The following PLD5 variants were observed in gnomAD, a reference collection of about 807,000 sequenced individuals.
The protein encoded by PLD5 is phospholipase D family member 5.
Under a neutral mutation model 61.1 loss-of-function variants are expected in PLD5, and 36 were observed. The observed-to-expected ratio is 0.59, with a 90% CI of 0.45 to 0.78. The LOEUF (loss-of-function observed/expected upper bound fraction) is 0.78. PLD5 is among the 30% of genes least tolerant of loss of function. The probability of loss-of-function intolerance (pLI) is 0.00; values close to 1 mark genes in which losing one functional copy is unlikely to be tolerated. For missense variants in PLD5, 515 were observed against 644.4 expected, an observed-to-expected ratio of 0.80 and a Z score of 2.17; for synonymous variants, 243 against 242.8, an observed-to-expected ratio of 1.00 and a Z score of -0.01.
chr1:242,347,323 A>G (rs1187865407), intron 2 of PLD5, among the ~76,000 whole-genome samples: 2 of 152,218 alleles, frequency 1.3e-5, no homozygotes, highest in Non-Finnish European at 2.9e-5. Context: ...AATTTATTAT[A>G]AGCTCTAATT....
At chr1:242,123,694 C>T (rs1662561601) in intron 6 of PLD5, among the ~76,000 whole-genome samples, 1 of 152,196 alleles carries the variant, frequency 6.6e-6, no homozygotes, top group Non-Finnish European at 1.5e-5. Flanking sequence ...TGTTTTTTTT[C>T]TTATCAACAT....
chr1:242,293,788 T>A (rs2149145810), intron 2 of PLD5, among the ~76,000 whole-genome samples: 1 of 152,336 alleles, frequency 6.6e-6, no homozygotes, highest in East Asian at 1.9e-4. Flanking sequence ...CCTATTTACC[T>A]GCTCACTCTC....
At chr1:242,162,899 C>T (rs1665956336) in intron 5 of PLD5, among the ~76,000 whole-genome samples, 1 of 152,070 alleles carries the variant, frequency 6.6e-6, no homozygotes, top group Non-Finnish European at 1.5e-5. Context: ...TATTCTCTAA[C>T]CCACCAAGAT....
chr1:242,200,515 T>G (rs981044272), intron 5 of PLD5, among the ~76,000 whole-genome samples: 2 of 152,168 alleles, frequency 1.3e-5, no homozygotes, highest in African/African-American at 4.8e-5. Context: ...TAAAGAAGGC[T>G]CTCAGCTATG....
At chr1:242,434,966 A>C (rs975930168) in intron 1 of PLD5, among the ~76,000 whole-genome samples, 2 of 152,106 alleles carry the variant, frequency 1.3e-5, no homozygotes, top group African/African-American at 4.8e-5. Context: ...TGCAGCATCT[A>C]TCAACCCATC....
At chr1:242,160,743 G>A (rs1236850850) in intron 5 of PLD5, among the ~76,000 whole-genome samples, 1 of 151,678 alleles carries the variant, frequency 6.6e-6, no homozygotes, top group Admixed American at 6.6e-5. Flanking sequence ...AAACTAGCCG[G>A]GTGTGGTTGC....
At chr1:242,438,235 G>A (rs965784046) in intron 1 of PLD5, among the ~76,000 whole-genome samples, 1 of 151,040 alleles carries the variant, frequency 6.6e-6, no homozygotes, top group Non-Finnish European at 1.5e-5. Context: ...GTGACAGCAT[G>A]TATGGTTGCT....
At chr1:242,192,617 T>G (rs374761514) in intron 5 of PLD5, among the ~76,000 whole-genome samples, 18 of 152,184 alleles carry the variant, frequency 1.2e-4, no homozygotes, top group African/African-American at 4.1e-4. Flanking sequence ...AAAAGGTTCC[T>G]AAGAAACTAG....
At chr1:242,103,611 C>G (rs1269089483) in intron 8 of PLD5, among the ~76,000 whole-genome samples, 1 of 152,216 alleles carries the variant, frequency 6.6e-6, no homozygotes, top group East Asian at 1.9e-4. Flanking sequence ...AGACTCCATT[C>G]TCCTGTGTCT....
chr1:242,342,194 A>G (rs1306180179), intron 2 of PLD5, among the ~76,000 whole-genome samples: 1 of 152,248 alleles, frequency 6.6e-6, no homozygotes, highest in Non-Finnish European at 1.5e-5. Flanking sequence ...AGGGAGGAAT[A>G]GCAACAAAAG....
chr1:242,324,127 C>A (rs74525719), intron 2 of PLD5, among the ~76,000 whole-genome samples: 3 of 151,740 alleles, frequency 2.0e-5, no homozygotes, highest in Admixed American at 2.0e-4. Flanking sequence ...CCCTTCACAA[C>A]AAAGCAATTT....
intron 1 of PLD5, among the ~76,000 whole-genome samples, chr1:242,519,151 A>C (rs570162796): frequency 5.3e-5 from 8 of 152,192 alleles, no homozygotes; most frequent in Non-Finnish European, 1.0e-4. Flanking sequence ...CCTTAGGTTG[A>C]ACTCTGTCTT....
At chr1:242,467,578 A>T (rs1214235734) in intron 1 of PLD5, among the ~76,000 whole-genome samples, 1 of 152,202 alleles carries the variant, frequency 6.6e-6, no homozygotes, top group Non-Finnish European at 1.5e-5. Flanking sequence ...CCCCTCCCTT[A>T]TCACTAGAAA....
At chr1:242,325,839 G>C (rs1388755782) in intron 2 of PLD5, among the ~76,000 whole-genome samples, 64 of 152,156 alleles carry the variant, frequency 4.2e-4, no homozygotes, top group Non-Finnish European at 4.4e-5. Context: ...TCAAAAGCCA[G>C]TTATAAGTCA....
intron 1 of PLD5, among the ~76,000 whole-genome samples, chr1:242,432,508 G>A (rs115779442): frequency 6.6e-6 from 1 of 152,202 alleles, no homozygotes; most frequent in African/African-American, 2.4e-5. Flanking sequence ...TGGAAGGTGT[G>A]TCTTTAGAAA....
intron 1 of PLD5, among the ~76,000 whole-genome samples, chr1:242,374,628 G>T (rs376019371): frequency 1.3e-5 from 2 of 152,030 alleles, no homozygotes; most frequent in East Asian, 3.9e-4. Context: ...GAAATTATGT[G>T]GGTGTTAAGA....
intron 3 of PLD5, among the ~76,000 whole-genome samples, chr1:242,276,692 G>A (rs1674433562): frequency 1.3e-5 from 2 of 151,800 alleles, no homozygotes; most frequent in Non-Finnish European, 2.9e-5. Context: ...AGCTTTAGGA[G>A]TTCAGTGCCA....
rs1558528220 is a variant in PLD5, at chr1:242,395,037, G to GTATATGTATATATGAATA, written c.190-46813_190-46796dup. Among the ~76,000 whole-genome samples, 109 of 47,858 alleles carry GTATATGTATATATGAATA rather than the reference G, an allele frequency of 2.3e-3. 8 individuals carry two copies. The highest frequency in any genetic ancestry group is 0.011 in the African/African-American group (103 of 9,394). The allele number at this position is 47,858 out of a possible 152,430, so 31.4% of individuals were successfully genotyped here. A position where few individuals can be genotyped will look rare whatever the true frequency, so the allele number is the denominator to read the frequency against. ...TATGAATATATATGTATATATGAAT[G>GTATATGTATATATGAATA]TATATGTATATATGAATATATATGT... On this transcript the variant is annotated intron_variant, in intron 1 of 9. Coordinates refer to ENST00000536534, the MANE Select transcript of PLD5 (RefSeq NM_001372062.1).
chr1:242,113,055 AG>A (rs1313791808), intron 7 of PLD5, among the ~76,000 whole-genome samples: 2 of 149,480 alleles, frequency 1.3e-5, no homozygotes, highest in Non-Finnish European at 3.0e-5. Flanking sequence ...CTGAGAACAT[AG>A]ATATTTGAAG....
Sources: gnomAD v4.1 joint callset for allele counts (sites outside exome capture counted in the v4.1 genomes callset) on GRCh38, gnomAD v4.1.1 for gene constraint, MANE v1.5 for transcripts, NCBI Gene and HGNC (gene_info 2026-07-23, HGNC 2026-07-21) for gene names.